Variants in LYN observed in about 807,000 individuals in gnomAD.
LYN encodes the protein tyrosine-protein kinase Lyn.
LYN carries 12 observed loss-of-function variants against 65.0 expected under a neutral mutation model. The observed-to-expected ratio is 0.18, with a 90% confidence interval of 0.12 to 0.30. The LOEUF (loss-of-function observed/expected upper bound fraction) is 0.30, where lower values mean the gene tolerates loss of function less well. Ranked by LOEUF, LYN falls within the 10% of genes least tolerant of loss-of-function variation. The pLI, the probability that LYN is intolerant of heterozygous loss-of-function variation, is 1.00. For synonymous variants in LYN, 222 were observed against 221.2 expected, an observed-to-expected ratio of 1.00 and a Z score of -0.03; for missense variants, 380 against 623.2, an observed-to-expected ratio of 0.61 and a Z score of 4.16.
chr8:55,904,772 A>G (rs935573299), intron 1 of LYN, among the ~76,000 whole-genome samples: 2 of 152,108 alleles, frequency 1.3e-5, no homozygotes, highest in Admixed American at 1.3e-4. Context: ...AAGAAGATAA[A>G]CATAAAAGGT....
intron 4 of LYN, 141 bp from the exon 5 acceptor site, chr8:55,950,318 A>C: frequency 1.7e-6 from 1 of 593,768 alleles, no homozygotes; most frequent in East Asian, 3.0e-5. Context: ...TGGTAAGTCT[A>C]TGTTTTCTTT....
At chr8:56,000,732 A>C (rs1808490242) in intron 12 of LYN, among the ~76,000 whole-genome samples, 2 of 91,900 alleles carry the variant, frequency 2.2e-5, no homozygotes, top group Non-Finnish European at 2.5e-5. Context: ...TGTCTCAAAA[A>C]AAAAAAAAAA....
At chr8:55,945,736 C>A (rs954991160) in intron 2 of LYN, among the ~76,000 whole-genome samples, 1 of 152,178 alleles carries the variant, frequency 6.6e-6, no homozygotes, top group South Asian at 2.1e-4. Context: ...ACTCACCCCC[C>A]CACTGAAATA....
Position 55,959,801 on chromosome 8 carries a change from T to C in LYN, c.790+5817T>C, listed in dbSNP as rs184939993. Among the ~76,000 whole-genome samples, 585 of 151,934 alleles carry C rather than the reference T, an allele frequency of 3.9e-3. 4 individuals are homozygous for C. Among genetic ancestry groups the C allele is most frequent in the African/African-American group, 0.013 (556 of 41,354 alleles). On this transcript the variant is annotated intron_variant, in intron 8 of 12. Transcript: ENST00000519728. ...AATAAAATGTGGTGTATTCATACAATGGAGTATTTGGCAATAAAAAAAAAA... is the reference window on the plus strand; with the variant it reads ...AATAAAATGTGGTGTATTCATACAACGGAGTATTTGGCAATAAAAAAAAAA...
chr8:55,971,347 T>C (rs1433062953), intron 10 of LYN, among the ~76,000 whole-genome samples: 1 of 152,164 alleles, frequency 6.6e-6, no homozygotes, highest in Non-Finnish European at 1.5e-5. Context: ...TGGGCACAGC[T>C]CTAGAACCCG....
intron 1 of LYN, among the ~76,000 whole-genome samples, chr8:55,925,030 T>C (rs112415811): frequency 0.072 from 11,019 of 152,066 alleles, 603 homozygotes; most frequent in African/African-American, 0.15. Context: ...TTAGTAGAGA[T>C]GGGATTTCAC....
At position 55,999,509 on chromosome 8, in the gene LYN, C is replaced by T. The variant is rs140976457; in HGVS notation, c.1296C>T (p.Leu432=). ...CTGATGTGTGGTCCTTTGGAATCCT[C>T]CTATACGAAATTGTCACCTATGGGA... ...IKSDVWSFGI[L]LYEIVTYGKI... The change falls in exon 12 of 13, where the codon CTC becomes CTT. Residue 432 remains leucine (L), a synonymous_variant. Transcript: ENST00000519728. 1.2e-6 allele frequency: 2 copies of T among 1,613,656 alleles called. No homozygotes were observed. Among genetic ancestry groups the T allele is most frequent in the South Asian group, 2.2e-5 (2 of 91,076 alleles).
At chr8:56,001,970 G>T (rs1221457335) in intron 12 of LYN, among the ~76,000 whole-genome samples, 1 of 152,066 alleles carries the variant, frequency 6.6e-6, no homozygotes, top group Non-Finnish European at 1.5e-5. Flanking sequence ...AATATTTGGG[G>T]TGAAAAATCA....
chr8:56,004,018 C>T (rs568005993), intron 12 of LYN, among the ~76,000 whole-genome samples: 1 of 149,972 alleles, frequency 6.7e-6, no homozygotes, highest in Middle Eastern at 3.4e-3. Context: ...CTGCAACCTC[C>T]TCCTTCTGAG....
At position 56,004,294 on chromosome 8, in the gene LYN, C is replaced by CTT. The variant is rs377562431; in HGVS notation, c.1336+4761_1336+4762dup. 6.3e-3 allele frequency among the ~76,000 whole-genome samples: 790 copies of CTT among 125,240 alleles called. 19 individuals are homozygous for CTT. Among genetic ancestry groups the CTT allele is most frequent in the African/African-American group, 0.021 (681 of 32,070 alleles). The allele number at this position is 125,240 out of a possible 152,430, so 82.2% of individuals were successfully genotyped here. A position where few individuals can be genotyped will look rare whatever the true frequency, so the allele number is the denominator to read the frequency against. Reference sequence around the variant, plus strand: ...TAAAAAAGTAGTACAGAAAGACTTCCTTTTTTTTTTTTTTTTTGAGACAGA... The same window carrying CTT: ...TAAAAAAGTAGTACAGAAAGACTTCCTTTTTTTTTTTTTTTTTTTGAGACAGA... On this transcript the variant is annotated intron_variant, in intron 12 of 12. Transcript: ENST00000519728.
At position 55,932,139 on chromosome 8, in the gene LYN, G is replaced by A. The variant is rs559959295; in HGVS notation, c.-5-9716G>A. Among the ~76,000 whole-genome samples, 157 of 152,248 alleles carry A rather than the reference G, an allele frequency of 1.0e-3. 1 individual carries two copies. Among genetic ancestry groups the A allele is most frequent in the African/African-American group, 3.6e-3 (150 of 41,544 alleles). On this transcript the variant is annotated intron_variant, in intron 1 of 12. Transcript: ENST00000519728. ...GAAAGGAAGTGTTCCTGTGCATAGG[G>A]ATACCAGAAAGAAGCAGAAGACTTG...
At position 56,002,843 on chromosome 8, in the gene LYN, C is replaced by T. The variant is rs535095167; in HGVS notation, c.1336+3294C>T. ...TTTTAGTCACGAGAGTTGTATGTTA[C>T]GAGAGCCTCTAGCATTAGGGTTATA... On this transcript the variant is annotated intron_variant, in intron 12 of 12. Transcript: ENST00000519728. Among the ~76,000 whole-genome samples the T allele has an allele frequency of 5.9e-5, 9 of 151,976 alleles. No homozygotes were observed. In the South Asian group the frequency reaches 1.9e-3, roughly 31 times the overall value.
intron 12 of LYN, among the ~76,000 whole-genome samples, chr8:56,007,086 G>A (rs1295741353): frequency 1.3e-5 from 2 of 152,142 alleles, no homozygotes; most frequent in Non-Finnish European, 2.9e-5. Flanking sequence ...ATCTGCTGTG[G>A]GGCTAGGGTG....
At chr8:55,917,815 G>A (rs1015642228) in intron 1 of LYN, among the ~76,000 whole-genome samples, 1 of 152,228 alleles carries the variant, frequency 6.6e-6, no homozygotes, top group African/African-American at 2.4e-5. Context: ...GATATTCAAT[G>A]GCAGAGGCTG....
At chr8:55,883,474 G>A (rs1804702796) in intron 1 of LYN, among the ~76,000 whole-genome samples, 3 of 152,084 alleles carry the variant, frequency 2.0e-5, no homozygotes, top group African/African-American at 7.2e-5. Context: ...GGTGGGAAAG[G>A]GTGGTCTCCA....
chr8:56,009,874 G>A (rs760620068), intron 12 of LYN, 34 bp from the exon 13 acceptor site: 2 of 1,585,254 alleles, frequency 1.3e-6, no homozygotes, highest in South Asian at 2.2e-5. Context: ...TAAACGGCAT[G>A]GGTTTCTGTT....
At chr8:55,950,646 C>T in intron 5 of LYN, 35 bp from the exon 6 acceptor site, 1 of 1,578,226 alleles carries the variant, frequency 6.3e-7, no homozygotes, top group Middle Eastern at 1.7e-4. Flanking sequence ...TGCCGTGGAA[C>T]ATAATATGCA....
At chr8:55,964,278 A>G (rs771360025) in intron 8 of LYN, among the ~76,000 whole-genome samples, 3 of 151,766 alleles carry the variant, frequency 2.0e-5, no homozygotes, top group Non-Finnish European at 4.4e-5. Flanking sequence ...TGCCCAGGTT[A>G]GTCTTGAACT....
At chr8:55,953,462 C>A (rs1165839558) in intron 7 of LYN, among the ~76,000 whole-genome samples, 2 of 152,020 alleles carry the variant, frequency 1.3e-5, no homozygotes, top group African/African-American at 4.8e-5. Flanking sequence ...GCCTGGCCAA[C>A]GTAGTAAAAT....
Sources: allele counts gnomAD v4.1 joint callset (sites outside exome capture counted in the v4.1 genomes callset), GRCh38; gene constraint gnomAD v4.1.1; transcripts MANE v1.5; gene names NCBI Gene and HGNC (gene_info 2026-07-23, HGNC 2026-07-21).